COG5: variants seen among roughly 807,000 people sequenced by gnomAD.
COG5 encodes component of oligomeric golgi complex 5.
A neutral mutation model predicts 110.4 loss-of-function variants in COG5; 86 were observed. That is an observed-to-expected ratio of 0.78 (90% CI 0.65 to 0.93). The LOEUF (loss-of-function observed/expected upper bound fraction) is 0.93, where lower values mean the gene tolerates loss of function less well. COG5 is among the 40% of genes least tolerant of loss of function. COG5 has a pLI of 0.00. For missense variants in COG5, 1,077 were observed against 987.0 expected, an observed-to-expected ratio of 1.09 and a Z score of -1.22; for synonymous variants, 360 against 334.6, an observed-to-expected ratio of 1.08 and a Z score of -0.83.
intron 15 of COG5, 67 bp downstream of exon 15, chr7:107,258,206 A>T: frequency 1.1e-6 from 1 of 928,648 alleles, no homozygotes. Flanking sequence ...AACAATTTGT[A>T]AACTGTCCAA....
chr7:107,361,946 A>G (rs1813154420), intron 10 of COG5, 87 bp downstream of exon 10: 3 of 839,322 alleles, frequency 3.6e-6, no homozygotes, highest in East Asian at 2.6e-5. Context: ...TAGCCACTCT[A>G]TAAGGTAGTA....
At chr7:107,258,685 G>A (rs970895908) in intron 14 of COG5, 36 of 364,796 alleles carry the variant, frequency 9.9e-5, no homozygotes, top group Non-Finnish European at 1.7e-4. Flanking sequence ...AGGCAGGTGT[G>A]ACCCAAATGC....
chr7:107,536,328 T>C (rs1801581133), intron 5 of COG5, among the ~76,000 whole-genome samples: 1 of 152,182 alleles, frequency 6.6e-6, no homozygotes, highest in Non-Finnish European at 1.5e-5. Context: ...GGAAATCAAA[T>C]TATTTCCGTT....
intron 6 of COG5, among the ~76,000 whole-genome samples, chr7:107,462,622 A>C (rs1563049348): frequency 6.6e-6 from 1 of 151,846 alleles, no homozygotes; most frequent in Non-Finnish European, 1.5e-5. Context: ...AAAAAAAAAA[A>C]AAAAAAAACT....
intron 21 of COG5, 66 bp downstream of exon 21, chr7:107,210,460 C>G: frequency 1.3e-6 from 2 of 1,551,900 alleles, no homozygotes; most frequent in South Asian, 2.4e-5. Flanking sequence ...CCTTCATCCT[C>G]TCTTGCATCC....
chr7:107,304,039 T>C (rs1366037211), intron 11 of COG5, among the ~76,000 whole-genome samples: 1 of 152,202 alleles, frequency 6.6e-6, no homozygotes, highest in African/African-American at 2.4e-5. Context: ...CAATATTTTA[T>C]AATTTAGAAG....
intron 8 of COG5, among the ~76,000 whole-genome samples, chr7:107,366,456 C>T (rs1316994908): frequency 1.3e-5 from 2 of 151,508 alleles, no homozygotes; most frequent in Admixed American, 1.3e-4. Context: ...GGAAAACATT[C>T]AATATACAAT....
At chr7:107,484,398 T>C (rs1317229815) in intron 6 of COG5, among the ~76,000 whole-genome samples, 2 of 152,210 alleles carry the variant, frequency 1.3e-5, no homozygotes, top group Non-Finnish European at 2.9e-5. Flanking sequence ...TTTCTTTGAA[T>C]TCTACATACT....
At chr7:107,501,468 A>G (rs888445161) in intron 6 of COG5, among the ~76,000 whole-genome samples, 3 of 152,086 alleles carry the variant, frequency 2.0e-5, no homozygotes, top group Non-Finnish European at 1.5e-5. Flanking sequence ...AACAGAACAC[A>G]TATCTAGAAA....
At chr7:107,413,917 A>C (rs554073070) in intron 6 of COG5, among the ~76,000 whole-genome samples, 32 of 152,368 alleles carry the variant, frequency 2.1e-4, no homozygotes, top group African/African-American at 7.7e-4. Flanking sequence ...GAATCTAAGT[A>C]ATCTGAACAA....
intron 7 of COG5, among the ~76,000 whole-genome samples, chr7:107,393,032 TAATC>T (rs1790737846): frequency 6.6e-6 from 1 of 152,204 alleles, no homozygotes; most frequent in Non-Finnish European, 1.5e-5. Context: ...AGAGAACAGT[TAATC>T]AACTTCTTGC....
At chr7:107,320,898 C>T (rs957272730) in intron 11 of COG5, among the ~76,000 whole-genome samples, 1 of 152,140 alleles carries the variant, frequency 6.6e-6, no homozygotes, top group Non-Finnish European at 1.5e-5. Context: ...TCCTTTCCTT[C>T]CCAGTAAACT....
chr7:107,323,152 A>G (rs1264269580), intron 11 of COG5, among the ~76,000 whole-genome samples: 1 of 152,234 alleles, frequency 6.6e-6, no homozygotes, highest in Non-Finnish European at 1.5e-5. Context: ...TATAAATTAT[A>G]TCTCAATAAA....
intron 6 of COG5, among the ~76,000 whole-genome samples, chr7:107,515,316 A>G (rs986796727): frequency 6.6e-6 from 1 of 152,190 alleles, no homozygotes; most frequent in Non-Finnish European, 1.5e-5. Context: ...AAATCTTGCT[A>G]GATATATAAG....
intron 12 of COG5, among the ~76,000 whole-genome samples, chr7:107,284,187 G>A (rs1468614820): frequency 6.6e-6 from 1 of 152,152 alleles, no homozygotes; most frequent in Non-Finnish European, 1.5e-5. Flanking sequence ...GCCTCACAAA[G>A]TGCTGGGATT....
intron 14 of COG5, among the ~76,000 whole-genome samples, chr7:107,258,978 TA>T (rs1410774670): frequency 3.3e-5 from 5 of 151,778 alleles, no homozygotes; most frequent in East Asian, 3.9e-4. Flanking sequence ...TTTTATAGAT[TA>T]AAAAAAAGCC....
chr7:107,269,378 G>A (rs1357549495), intron 14 of COG5, among the ~76,000 whole-genome samples: 8 of 151,868 alleles, frequency 5.3e-5, no homozygotes, highest in Non-Finnish European at 8.8e-5. Context: ...GGGAGGCTGA[G>A]GCAGGAGAAT....
At chr7:107,390,721 A>C (rs75227441) in intron 7 of COG5, among the ~76,000 whole-genome samples, 2,760 of 149,632 alleles carry the variant, frequency 0.018, 88 homozygotes, top group African/African-American at 0.063. Context: ...AAAGAATGTT[A>C]CTAATTATAC....
In COG5 at chr7:107,228,306, CA is replaced by C. The variant is rs201009011; in HGVS notation, c.2168+2308del. Among the ~76,000 whole-genome samples, 547 of 67,528 alleles carry C rather than the reference CA, an allele frequency of 8.1e-3. 1 individual carries two copies. The highest frequency in any genetic ancestry group is 0.02 in the African/African-American group (355 of 17,764). The allele number at this position is 67,528 out of a possible 152,430, so 44.3% of individuals were successfully genotyped here. A position where few individuals can be genotyped will look rare whatever the true frequency, so the allele number is the denominator to read the frequency against. Reference sequence around the variant, plus strand: ...TGGGTGACAGAGTGACACCCGGTCTCAAAAAAAAAAAAAAAAAAAGCCAAAT... The same window carrying C: ...TGGGTGACAGAGTGACACCCGGTCTCAAAAAAAAAAAAAAAAAAGCCAAAT... On this transcript the variant is annotated intron_variant, in intron 19 of 21. Coordinates refer to ENST00000297135, the MANE Select transcript of COG5 (RefSeq NM_006348.5).
Sources: allele counts gnomAD v4.1 joint callset (sites outside exome capture counted in the v4.1 genomes callset), GRCh38; gene constraint gnomAD v4.1.1; transcripts MANE v1.5; gene names NCBI Gene and HGNC (gene_info 2026-07-23, HGNC 2026-07-21).